The following SGK1 variants were observed in gnomAD, a reference collection of about 807,000 sequenced individuals.
SGK1 encodes the protein serum/glucocorticoid regulated kinase 1.
In SGK1, 26 loss-of-function variants were observed where a neutral mutation model predicts 64.2. The observed-to-expected ratio is 0.40, with a 90% CI of 0.30 to 0.56. SGK1 has a LOEUF of 0.56. Ranked by LOEUF, SGK1 falls within the 20% of genes least tolerant of loss-of-function variation. The pLI, the probability that SGK1 is intolerant of heterozygous loss-of-function variation, is 0.38. For synonymous variants in SGK1, 265 were observed against 239.7 expected, an observed-to-expected ratio of 1.11 and a Z score of -0.98; for missense variants, 519 against 645.6, an observed-to-expected ratio of 0.80 and a Z score of 2.12.
At position 134,188,943 on chromosome 6, in the gene SGK1, C is replaced by G. The variant is rs566590676; in HGVS notation, c.362-14357G>C. Among the ~76,000 whole-genome samples, 6 of 136,058 alleles carry G rather than the reference C, an allele frequency of 4.4e-5. No individual in the cohort carries two copies. In the East Asian group the frequency reaches 8.4e-4, roughly 19 times the overall value. 89.3% of individuals were successfully genotyped at this position (136,058 alleles called of 152,430 possible). A position where few individuals can be genotyped will look rare whatever the true frequency, so the allele number is the denominator to read the frequency against. On this transcript the variant is annotated intron_variant, in intron 3 of 13. Coordinates refer to ENST00000367858, the MANE Select transcript of SGK1 (RefSeq NM_001143676.3). ...TTTTTTTTTTTTGAGACAGGGATCT[C>G]CTATGTTGCCCAGGCTGGTCTCAAG... is the stretch of plus-strand genomic sequence containing the variant.
At chr6:134,175,744 G>A in intron 3 of SGK1, 1 of 1,359,750 alleles carries the variant, frequency 7.4e-7, no homozygotes, top group Non-Finnish European at 9.5e-7. Context: ...CGTGACTCAG[G>A]CCGGGCAAGA....
chr6:134,264,149 C>G (rs1223837717), intron 1 of SGK1, among the ~76,000 whole-genome samples: 1 of 148,156 alleles, frequency 6.7e-6, no homozygotes, highest in Non-Finnish European at 1.5e-5. Flanking sequence ...GACAGAGTCT[C>G]GCTCTGTTGC....
intron 2 of SGK1, among the ~76,000 whole-genome samples, chr6:134,216,507 A>G (rs1775986853): frequency 6.6e-6 from 1 of 152,200 alleles, no homozygotes; most frequent in Non-Finnish European, 1.5e-5. Flanking sequence ...CTATGAGATA[A>G]AAGAGTCTTC....
chr6:134,214,169 C>A (rs1775939235), intron 2 of SGK1, among the ~76,000 whole-genome samples: 1 of 152,030 alleles, frequency 6.6e-6, no homozygotes, highest in African/African-American at 2.4e-5. Flanking sequence ...AATCCTCCCA[C>A]CTCGGCCTCC....
At chr6:134,264,654 TG>T (rs1385217557) in intron 1 of SGK1, among the ~76,000 whole-genome samples, 10 of 152,172 alleles carry the variant, frequency 6.6e-5, no homozygotes, top group African/African-American at 2.2e-4. Flanking sequence ...TTTTTGTTGT[TG>T]TTGTTGTTAA....
rs1775264437 is a variant in SGK1, at chr6:134,177,540, C to T, written c.362-2954G>A. 1.4e-5 allele frequency: 11 copies of T among 774,662 alleles called. 1 individual carries two copies. The South Asian group carries it at 2.0e-4, about 14-fold the overall frequency. 48.0% of individuals were successfully genotyped at this position (774,662 alleles called of 1,614,324 possible). Reference sequence around the variant, plus strand: ...AGACTTTTGCATGTTTGTTTTCAAACATTAAATTAAGAAACCTACAACCAG... The same window carrying T: ...AGACTTTTGCATGTTTGTTTTCAAATATTAAATTAAGAAACCTACAACCAG... On this transcript the variant is annotated intron_variant, in intron 3 of 13. Coordinates refer to ENST00000367858, the MANE Select transcript of SGK1 (RefSeq NM_001143676.3).
At chr6:134,280,052 G>A (rs1468767667) in intron 1 of SGK1, among the ~76,000 whole-genome samples, 1 of 151,958 alleles carries the variant, frequency 6.6e-6, no homozygotes, top group Non-Finnish European at 1.5e-5. Flanking sequence ...AAATATAGCT[G>A]AGAATAGTGA....
At chr6:134,247,250 T>C (rs186646431) in intron 2 of SGK1, among the ~76,000 whole-genome samples, 96 of 152,260 alleles carry the variant, frequency 6.3e-4, no homozygotes, top group African/African-American at 2.3e-3. Flanking sequence ...GGAAACAAAG[T>C]CTTCCAGAGC....
At chr6:134,244,959 A>G (rs1365352741) in intron 2 of SGK1, among the ~76,000 whole-genome samples, 1 of 152,200 alleles carries the variant, frequency 6.6e-6, no homozygotes, top group East Asian at 1.9e-4. Context: ...TATTTTTAGT[A>G]GAGACGGGGT....
In SGK1 at chr6:134,269,926, C is replaced by T. The variant is rs1776914133; in HGVS notation, c.70-7778G>A. Among the ~76,000 whole-genome samples the T allele has an allele frequency of 1.4e-5, 2 of 141,012 alleles. 1 individual carries two copies. 92.5% of individuals were successfully genotyped at this position (141,012 alleles called of 152,430 possible). On this transcript the variant is annotated intron_variant, in intron 1 of 13. Coordinates refer to ENST00000367858, the MANE Select transcript of SGK1 (RefSeq NM_001143676.3). ...TCATGTATCTGTCTTTTCTCTCTCT[C>T]TTTTTTTTTTTTGAGACGGAGTTGT...
intron 3 of SGK1, chr6:134,175,925 A>T: frequency 1.5e-5 from 15 of 1,023,682 alleles, no homozygotes; most frequent in East Asian, 5.6e-5. Flanking sequence ...GGGAGAGGTC[A>T]GGAATGTGGA....
intron 1 of SGK1, among the ~76,000 whole-genome samples, chr6:134,267,486 T>C (rs1487990826): frequency 6.6e-6 from 1 of 151,964 alleles, no homozygotes; most frequent in African/African-American, 2.4e-5. Context: ...AGAGACGGTG[T>C]CTCATTATGT....
At chr6:134,206,373 ATATATATATATTTT>A (rs1224403911) in intron 3 of SGK1, among the ~76,000 whole-genome samples, 3 of 4,488 alleles carry the variant, frequency 6.7e-4, no homozygotes, top group East Asian at 2.6e-3. Context: ...ATATATATAT[ATATATATATATTTT>A]TTTTTTTTTT....
In SGK1 at chr6:134,266,065, C is replaced by T. The variant is rs190092030; in HGVS notation, c.70-3917G>A. 3.5e-4 allele frequency among the ~76,000 whole-genome samples: 53 copies of T among 152,046 alleles called. No homozygotes were observed. The East Asian group carries it at 0.01, about 30-fold the overall frequency. ...GTGGCGCGATCTCAGCTCACTGCAGCCTCCTCCTCCCTGGTTCAAGTGATT... is the reference window on the plus strand; with the variant it reads ...GTGGCGCGATCTCAGCTCACTGCAGTCTCCTCCTCCCTGGTTCAAGTGATT... On this transcript the variant is annotated intron_variant, in intron 1 of 13. Transcript: ENST00000367858.
intron 2 of SGK1, among the ~76,000 whole-genome samples, chr6:134,220,998 AT>A (rs1299800668): frequency 6.8e-6 from 1 of 147,852 alleles, no homozygotes; most frequent in Admixed American, 6.9e-5. Flanking sequence ...AAAAAAAAAA[AT>A]TTTATTAAAA....
At position 134,235,697 on chromosome 6, in the gene SGK1, G is replaced by A. The variant is rs549244748; in HGVS notation, c.285+26236C>T. On this transcript the variant is annotated intron_variant, in intron 2 of 13. Transcript: ENST00000367858. ...AGTGATTCTCCTGCCTCAGCCTCTC[G>A]AGTAGCTGGGACTACAGGCATGCAC... Among the ~76,000 whole-genome samples, 8 of 151,686 alleles carry A rather than the reference G, an allele frequency of 5.3e-5. No individual in the cohort carries two copies. In the East Asian group the frequency reaches 1.2e-3, roughly 22 times the overall value.
chr6:134,215,726 T>TA (rs1484864767), intron 2 of SGK1, among the ~76,000 whole-genome samples: 5 of 151,080 alleles, frequency 3.3e-5, no homozygotes, highest in Non-Finnish European at 7.4e-5. Context: ...ACTAAAAATA[T>TA]AAAAATTAGG....
At position 134,292,497 on chromosome 6, in the gene SGK1, G is replaced by A. The variant is rs368454141; in HGVS notation, c.69+24895C>T. Among the ~76,000 whole-genome samples, 11 of 152,048 alleles carry A rather than the reference G, an allele frequency of 7.2e-5. No individual in the cohort carries two copies. The East Asian group carries it at 9.7e-4, about 13-fold the overall frequency. On this transcript the variant is annotated intron_variant, in intron 1 of 13. Coordinates refer to ENST00000367858, the MANE Select transcript of SGK1 (RefSeq NM_001143676.3). ...AATCCCAGCTACTCGGGAGGCTGAC[G>A]CAGGAGAATAGCTTGAACCCAGGAG...
At chr6:134,190,731 C>T (rs960444087) in intron 3 of SGK1, among the ~76,000 whole-genome samples, 9 of 152,230 alleles carry the variant, frequency 5.9e-5, no homozygotes, top group South Asian at 2.1e-4. Context: ...GACTGCTATT[C>T]CTTTTCTATC....
Sources: gnomAD v4.1 joint callset for allele counts (sites outside exome capture counted in the v4.1 genomes callset) on GRCh38, gnomAD v4.1.1 for gene constraint, MANE v1.5 for transcripts, NCBI Gene and HGNC (gene_info 2026-07-23, HGNC 2026-07-21) for gene names.